Variants in ATP6V1C1 observed in about 807,000 individuals in gnomAD.
The protein encoded by ATP6V1C1 is ATPase H+ transporting V1 subunit C1.
ATP6V1C1 carries 45 observed loss-of-function variants against 53.9 expected under a neutral mutation model. That is an observed-to-expected ratio of 0.83 (90% CI 0.66 to 1.07). The LOEUF is 1.07. Among genes scored for constraint, ATP6V1C1 ranks in the 50% least tolerant of loss-of-function variants. ATP6V1C1 has a pLI of 0.00. For missense variants in ATP6V1C1, 315 were observed against 440.3 expected, an observed-to-expected ratio of 0.72 and a Z score of 2.55; for synonymous variants, 153 against 155.2, an observed-to-expected ratio of 0.99 and a Z score of 0.11.
Position 103,066,463 on chromosome 8 carries a change from C to T in ATP6V1C1, c.1053+16C>T, listed in dbSNP as rs1817492423. On this transcript the variant is annotated intron_variant, in intron 12 of 12. Coordinates refer to ENST00000518738, the MANE Select transcript of ATP6V1C1 (RefSeq NM_001695.5). ...TATTATTGATGTAAGTACTTATTAGCCCAGTAGAGTAAGAATTGAAGTGAA... is the reference window on the plus strand; with the variant it reads ...TATTATTGATGTAAGTACTTATTAGTCCAGTAGAGTAAGAATTGAAGTGAA... The T allele has an allele frequency of 2.0e-6, 3 of 1,530,530 alleles. No homozygotes were observed. The highest frequency in any genetic ancestry group is 1.8e-6 in the Non-Finnish European group (2 of 1,142,826). 94.8% of individuals were successfully genotyped at this position (1,530,530 alleles called of 1,614,324 possible).
chr8:103,067,199 G>A (rs959904499), intron 12 of ATP6V1C1, among the ~76,000 whole-genome samples: 1 of 151,916 alleles, frequency 6.6e-6, no homozygotes. Context: ...AGGAGTTTGA[G>A]ACCGGCCTGG....
chr8:103,057,074 A>G lies in ATP6V1C1; in HGVS notation c.641+1138A>G, dbSNP rs187095491. 2.0e-3 allele frequency among the ~76,000 whole-genome samples: 303 copies of G among 152,330 alleles called. 2 individuals are homozygous for G. The highest frequency in any genetic ancestry group is 2.3e-3 in the East Asian group (12 of 5,192). ...AAATGCCCAGCAAAGCAAAATAAGAATGAAGCAACAAAAGAACGAAAGCAG... is the reference window on the plus strand; with the variant it reads ...AAATGCCCAGCAAAGCAAAATAAGAGTGAAGCAACAAAAGAACGAAAGCAG... On this transcript the variant is annotated intron_variant, in intron 8 of 12. Transcript: ENST00000518738.
intron 1 of ATP6V1C1, among the ~76,000 whole-genome samples, chr8:103,023,172 G>A (rs60949239): frequency 0.033 from 4,962 of 152,236 alleles, 270 homozygotes; most frequent in African/African-American, 0.11. Context: ...AAACGGGGAG[G>A]GAGAGAGGCA....
rs1205826301 is a variant in ATP6V1C1, at chr8:103,055,868, G to A, written c.573G>A (p.Lys191=). The change falls in exon 8 of 13, where the codon AAG becomes AAA. Residue 191 remains lysine (K), a splice_region_variant and synonymous_variant. Transcript: ENST00000518738. ...AATGTGTATTGTACCTTTTCTGCAGGTTAAACCACAACGACTGGATTAAGC... is the reference window on the plus strand; with the variant it reads ...AATGTGTATTGTACCTTTTCTGCAGATTAAACCACAACGACTGGATTAAGC... The part of the protein sequence containing the change: ...YLVTLLVVVP[K]LNHNDWIKQY... 5 of 1,610,446 alleles carry A rather than the reference G, an allele frequency of 3.1e-6. No homozygotes were observed. The East Asian group carries it at 1.1e-4, about 36-fold the overall frequency.
At chr8:103,062,858 C>A (rs1413935480) in intron 8 of ATP6V1C1, 97 bp from the exon 9 acceptor site, 5 of 1,010,834 alleles carry the variant, frequency 4.9e-6, no homozygotes, top group Non-Finnish European at 7.6e-6. Flanking sequence ...GGCTATTATA[C>A]CCTACTTTTC....
intron 12 of ATP6V1C1, among the ~76,000 whole-genome samples, chr8:103,067,615 T>C (rs1817517523): frequency 6.7e-6 from 1 of 150,020 alleles, no homozygotes; most frequent in Non-Finnish European, 1.5e-5. Flanking sequence ...TTTTTTTTTT[T>C]TTCGAGATGG....
chr8:103,034,167 C>A (rs893135027), intron 1 of ATP6V1C1, among the ~76,000 whole-genome samples: 1 of 152,134 alleles, frequency 6.6e-6, no homozygotes, highest in Non-Finnish European at 1.5e-5. Flanking sequence ...AGGTGCTATA[C>A]ACACACATTC....
At chr8:103,064,925 G>T in intron 11 of ATP6V1C1, 114 bp downstream of exon 11, 3 of 845,054 alleles carry the variant, frequency 3.6e-6, no homozygotes, top group South Asian at 4.2e-5. Context: ...GAAATCAAAG[G>T]GCCAATCATG....
intron 4 of ATP6V1C1, among the ~76,000 whole-genome samples, chr8:103,049,638 T>C (rs1817165915): frequency 6.6e-6 from 1 of 152,128 alleles, no homozygotes; most frequent in South Asian, 2.1e-4. Flanking sequence ...GATACGTTTT[T>C]ATAACAGGAA....
intron 1 of ATP6V1C1, among the ~76,000 whole-genome samples, chr8:103,027,009 A>G (rs1274480471): frequency 6.6e-6 from 1 of 152,244 alleles, no homozygotes; most frequent in Non-Finnish European, 1.5e-5. Context: ...ACATTCAAAG[A>G]GGAAGCAGTT....
intron 1 of ATP6V1C1, among the ~76,000 whole-genome samples, chr8:103,031,596 G>T (rs1816797033): frequency 1.3e-5 from 2 of 152,282 alleles, no homozygotes; most frequent in East Asian, 3.9e-4. Context: ...CGTTACTACA[G>T]GGAGGGCACC....
chr8:103,052,259 T>G (rs1817214388), intron 5 of ATP6V1C1, among the ~76,000 whole-genome samples: 1 of 152,106 alleles, frequency 6.6e-6, no homozygotes. Flanking sequence ...TTAGTATTCT[T>G]CTGAGAAAAA....
rs539711403 is a variant in ATP6V1C1, at chr8:103,040,740, A to G, written c.-39-58A>G. 5 of 1,445,376 alleles carry G rather than the reference A, an allele frequency of 3.5e-6. No individual in the cohort carries two copies. In the East Asian group the frequency reaches 1.2e-4, roughly 34 times the overall value. The allele number at this position is 1,445,376 out of a possible 1,614,324, so 89.5% of individuals were successfully genotyped here. On this transcript the variant is annotated intron_variant, in intron 1 of 12. Transcript: ENST00000518738. ...GTTATAACTTCTCCTATGATTCTGA[A>G]ACACTTTAGAAACAAATGATTTTAA...
intron 7 of ATP6V1C1, among the ~76,000 whole-genome samples, chr8:103,054,560 A>T (rs55941103): frequency 0.062 from 9,481 of 152,158 alleles, 978 homozygotes; most frequent in African/African-American, 0.21. Context: ...TTTATTTACA[A>T]AACAGGCTTG....
intron 5 of ATP6V1C1, 23 bp downstream of exon 5, chr8:103,051,167 T>C: frequency 6.6e-7 from 1 of 1,508,302 alleles, no homozygotes; most frequent in Non-Finnish European, 9.2e-7. Flanking sequence ...TTGAGACAAG[T>C]AGGACACATT....
intron 8 of ATP6V1C1, among the ~76,000 whole-genome samples, chr8:103,062,022 T>A (rs1300010199): frequency 6.6e-6 from 1 of 152,080 alleles, no homozygotes; most frequent in Non-Finnish European, 1.5e-5. Flanking sequence ...TCTGGAAAGG[T>A]CTTTCTAGTG....
At chr8:103,037,659 A>G (rs1816922020) in intron 1 of ATP6V1C1, among the ~76,000 whole-genome samples, 1 of 152,322 alleles carries the variant, frequency 6.6e-6, no homozygotes, top group Non-Finnish European at 1.5e-5. Context: ...ATGCAATGTT[A>G]TGTTTTAACT....
At chr8:103,046,183 T>C (rs1817093790) in intron 3 of ATP6V1C1, among the ~76,000 whole-genome samples, 3 of 152,148 alleles carry the variant, frequency 2.0e-5, no homozygotes. Context: ...CTGAATATAA[T>C]TTAAAGTTTG....
rs192127341 is a variant in ATP6V1C1, at chr8:103,065,502, G to A, written c.926+691G>A. 2.4e-4 allele frequency among the ~76,000 whole-genome samples: 36 copies of A among 152,050 alleles called. No individual in the cohort carries two copies. The East Asian group carries it at 5.8e-3, about 25-fold the overall frequency. ...CAGGAGGTGGAGGTTGCAGTGAGCC[G>A]AGATTGTGCCACTGCACTATTGCAC... is the stretch of plus-strand genomic sequence containing the variant. On this transcript the variant is annotated intron_variant, in intron 11 of 12. Transcript: ENST00000518738.
Sources: gnomAD v4.1 joint callset for allele counts (sites outside exome capture counted in the v4.1 genomes callset) on GRCh38, gnomAD v4.1.1 for gene constraint, MANE v1.5 for transcripts, NCBI Gene and HGNC (gene_info 2026-07-23, HGNC 2026-07-21) for gene names.